SHANK2: variants seen among roughly 807,000 people sequenced by gnomAD.
SHANK2 encodes SH3 and multiple ankyrin repeat domains 2.
SHANK2 carries 43 observed loss-of-function variants against 133.7 expected under a neutral mutation model. The observed-to-expected ratio is 0.32, with a 90% CI of 0.25 to 0.41. SHANK2 has a LOEUF of 0.41. SHANK2 is among the 10% of genes least tolerant of loss of function. The pLI is 1.00. For missense variants in SHANK2, 1,994 were observed against 2,235.8 expected, an observed-to-expected ratio of 0.89 and a Z score of 2.18; for synonymous variants, 1,017 against 952.8, an observed-to-expected ratio of 1.07 and a Z score of -1.24.
intron 11 of SHANK2, among the ~76,000 whole-genome samples, chr11:70,865,942 C>T (rs1294260468): frequency 3.9e-5 from 6 of 152,154 alleles, no homozygotes; most frequent in Admixed American, 1.3e-4. Flanking sequence ...TGGGTCGTGG[C>T]CCCTCCCTGG....
chr11:71,125,553 C>T (rs140323683), intron 3 of SHANK2, among the ~76,000 whole-genome samples: 1,746 of 152,282 alleles, frequency 0.011, 13 homozygotes, highest in Non-Finnish European at 0.015. Context: ...GAGGAAGCTG[C>T]AGGAGAAAGG....
At chr11:70,816,221 G>C (rs75050468) in intron 12 of SHANK2, among the ~76,000 whole-genome samples, 1 of 152,378 alleles carries the variant, frequency 6.6e-6, no homozygotes, top group South Asian at 2.1e-4. Context: ...ACACTCGGGA[G>C]GGGGTGAAAG....
intron 6 of SHANK2, among the ~76,000 whole-genome samples, chr11:71,095,808 T>C (rs1365827718): frequency 2.0e-5 from 3 of 152,254 alleles, no homozygotes; most frequent in African/African-American, 7.2e-5. Context: ...TTCATGGTGA[T>C]ATGCACATGC....
At chr11:70,800,027 T>G (rs1360129718) in intron 13 of SHANK2, among the ~76,000 whole-genome samples, 1 of 151,954 alleles carries the variant, frequency 6.6e-6, no homozygotes, top group Non-Finnish European at 1.5e-5. Flanking sequence ...TCTTAGGGTT[T>G]TTTTTTTGTT....
At chr11:70,503,177 C>T (rs2059085896) in intron 17 of SHANK2, among the ~76,000 whole-genome samples, 1 of 152,214 alleles carries the variant, frequency 6.6e-6, no homozygotes, top group South Asian at 2.1e-4. Flanking sequence ...TCTGACACTG[C>T]AGCTCTCTGC....
At position 70,515,530 on chromosome 11, in the gene SHANK2, G is replaced by A. The variant is rs181794107; in HGVS notation, c.2062-12599C>T. Among the ~76,000 whole-genome samples, 442 of 151,200 alleles carry A rather than the reference G, an allele frequency of 2.9e-3. 1 individual carries two copies. Among genetic ancestry groups the A allele is most frequent in the Non-Finnish European group, 4.4e-3 (300 of 67,910 alleles). On this transcript the variant is annotated intron_variant, in intron 17 of 25. Transcript: ENST00000601538. The stretch of plus-strand genomic sequence containing the variant: ...CAAATTTTTAATGCCAGCCCGGAGC[G>A]GTGGCTCATGTCTATAATCCCAGCA...
chr11:71,234,183 T>TTA (rs1954792775), intron 1 of SHANK2, among the ~76,000 whole-genome samples: 1 of 35,472 alleles, frequency 2.8e-5, no homozygotes, highest in Non-Finnish European at 4.6e-5. Flanking sequence ...CCCTCTCTAC[T>TTA]AAAAAAAAAA....
intron 15 of SHANK2, among the ~76,000 whole-genome samples, chr11:70,682,464 C>A (rs544955150): frequency 1.3e-5 from 2 of 152,314 alleles, no homozygotes; most frequent in East Asian, 3.9e-4. Context: ...CATGGTGAAA[C>A]CCTGTCTCAA....
At chr11:70,659,768 C>T (rs2061457249) in intron 17 of SHANK2, 60 bp downstream of exon 17, 15 of 1,607,330 alleles carry the variant, frequency 9.3e-6, no homozygotes, top group Non-Finnish European at 1.3e-5. Flanking sequence ...GGACTACGAC[C>T]CTCTCCCCGA....
Position 71,094,588 on chromosome 11 carries a change from C to T in SHANK2, c.693G>A (p.Gly231=). The T allele has an allele frequency of 6.4e-7, 1 of 1,551,612 alleles. No individual in the cohort carries two copies. The highest frequency in any genetic ancestry group is 8.7e-7 in the Non-Finnish European group (1 of 1,146,958). ...GGGCAGCTTTGTGTAGGGCGGTCAT[C>T]CCATCTTTGGCACGGAAGTCCAGGT... ...GAHLDFRAKD[G]MTALHKAARA... Residue 231 remains glycine (G), a synonymous_variant, in exon 7 of 26, where the codon GGG becomes GGA. Coordinates refer to ENST00000601538, the MANE Select transcript of SHANK2 (RefSeq NM_012309.5).
intron 17 of SHANK2, among the ~76,000 whole-genome samples, chr11:70,608,486 G>T (rs546405710): frequency 7.5e-4 from 114 of 152,252 alleles, no homozygotes; most frequent in Non-Finnish European, 1.5e-4. Context: ...TGGGACCTGG[G>T]CTAAGTCACC....
chr11:71,090,447 G>C lies in SHANK2; in HGVS notation c.912+1975C>G, dbSNP rs1274248970. On this transcript the variant is annotated intron_variant, in intron 8 of 25. Transcript: ENST00000601538. ...GGTTCTCCAGAGAAACACTACGTGT[G>C]TGTGTGTGTGTGTGTGTGTGTGTGT... Among the ~76,000 whole-genome samples the C allele has an allele frequency of 5.3e-3, 127 of 23,944 alleles. 31 individuals carry two copies. Among genetic ancestry groups the C allele is most frequent in the Non-Finnish European group, 0.01 (89 of 8,486 alleles). The allele number at this position is 23,944 out of a possible 152,430, so 15.7% of individuals were successfully genotyped here. A position where few individuals can be genotyped will look rare whatever the true frequency, so the allele number is the denominator to read the frequency against.
At chr11:71,171,524 G>A (rs765640897) in intron 2 of SHANK2, among the ~76,000 whole-genome samples, 5 of 152,168 alleles carry the variant, frequency 3.3e-5, no homozygotes, top group African/African-American at 4.8e-5. Flanking sequence ...AAGTCCAAAG[G>A]CTTTGGAGTT....
At chr11:70,873,836 C>T (rs1156289532) in intron 11 of SHANK2, among the ~76,000 whole-genome samples, 1 of 151,932 alleles carries the variant, frequency 6.6e-6, no homozygotes, top group African/African-American at 2.4e-5. Context: ...AGTGAGAAGA[C>T]CAAATAACCT....
rs1948190575 is a variant in SHANK2 at position 70,807,584 on chromosome 11, C to A, written c.1494-413G>T. Among the ~76,000 whole-genome samples the A allele has an allele frequency of 6.6e-6, 1 of 152,144 alleles. No homozygotes were observed. Among genetic ancestry groups the A allele is most frequent in the Admixed American group, 6.6e-5 (1 of 15,266 alleles). ...TGGGATCACATCTGTAATCCCAGCA[C>A]TTTGGGAGGCTGAGGTGGGCAGACC... On this transcript the variant is annotated intron_variant, in intron 12 of 25. Coordinates refer to ENST00000601538, the MANE Select transcript of SHANK2 (RefSeq NM_012309.5). This position sits in a 1 kb window ranked among gnomAD's most constrained non-coding sequence, Gnocchi z 4.8.
chr11:71,096,117 C>G (rs1951607851), intron 6 of SHANK2, among the ~76,000 whole-genome samples: 1 of 152,216 alleles, frequency 6.6e-6, no homozygotes, highest in South Asian at 2.1e-4. Context: ...TTCATTCATC[C>G]TGTCTCCATG....
At chr11:71,057,829 G>A (rs1192561696) in intron 9 of SHANK2, among the ~76,000 whole-genome samples, 1 of 150,986 alleles carries the variant, frequency 6.6e-6, no homozygotes, top group African/African-American at 2.4e-5. Flanking sequence ...GATTATAGGC[G>A]TGAACCACCA....
rs782262661 is a variant in SHANK2, at chr11:70,492,504, T to C, written c.2309-39A>G. 4 of 1,612,408 alleles carry C rather than the reference T, an allele frequency of 2.5e-6. No individual in the cohort carries two copies. In the African/African-American group the frequency reaches 4.0e-5, roughly 16 times the overall value. On this transcript the variant is annotated intron_variant, in intron 21 of 25. Transcript: ENST00000601538. Reference sequence around the variant, plus strand: ...GTGAGGATTGGAGCAGCAACACCAGTGGGGGAAGCTGGGTGTAGATAGGAA... The same window carrying C: ...GTGAGGATTGGAGCAGCAACACCAGCGGGGGAAGCTGGGTGTAGATAGGAA...
intron 3 of SHANK2, among the ~76,000 whole-genome samples, chr11:71,136,000 G>A (rs1369044058): frequency 1.3e-5 from 2 of 152,170 alleles, no homozygotes; most frequent in Non-Finnish European, 2.9e-5. Context: ...CAGACTTAGG[G>A]AGGGACTGGC....
Sources: allele counts gnomAD v4.1 joint callset (sites outside exome capture counted in the v4.1 genomes callset), GRCh38; gene constraint gnomAD v4.1.1; non-coding constraint Gnocchi (gnomAD v3.1); transcripts MANE v1.5; gene names NCBI Gene and HGNC (gene_info 2026-07-23, HGNC 2026-07-21).